TMEM117: variants seen among roughly 807,000 people sequenced by gnomAD.
The protein encoded by TMEM117 is transmembrane protein 117.
Under a neutral mutation model 52.4 loss-of-function variants are expected in TMEM117, and 27 were observed. The ratio of observed to expected loss-of-function variants is 0.51; its 90% CI spans 0.38 to 0.71. The LOEUF (loss-of-function observed/expected upper bound fraction) is 0.71. Among genes scored for constraint, TMEM117 ranks in the 30% least tolerant of loss-of-function variants. The pLI, the probability that TMEM117 is intolerant of heterozygous loss-of-function variation, is 0.00. For missense variants in TMEM117, 556 were observed against 630.5 expected, an observed-to-expected ratio of 0.88 and a Z score of 1.26; for synonymous variants, 215 against 206.3, an observed-to-expected ratio of 1.04 and a Z score of -0.36.
intron 6 of TMEM117, among the ~76,000 whole-genome samples, chr12:44,324,720 C>G (rs994810987): frequency 5.3e-5 from 8 of 152,028 alleles, no homozygotes; most frequent in African/African-American, 1.9e-4. Context: ...GTTTTGCAAA[C>G]CTGCTTTTTC....
chr12:44,247,496 G>C (rs1198137392), intron 5 of TMEM117, among the ~76,000 whole-genome samples: 1 of 152,106 alleles, frequency 6.6e-6, no homozygotes, highest in African/African-American at 2.4e-5. Flanking sequence ...ATATTTCAGT[G>C]CATTTATACA....
intron 2 of TMEM117, among the ~76,000 whole-genome samples, chr12:43,926,885 A>G (rs1207494678): frequency 6.6e-6 from 1 of 151,920 alleles, no homozygotes; most frequent in African/African-American, 2.4e-5. Flanking sequence ...TTTTGGCTTC[A>G]TTGATCCTCT....
intron 5 of TMEM117, among the ~76,000 whole-genome samples, chr12:44,240,667 G>T (rs1452206526): frequency 6.6e-6 from 1 of 151,954 alleles, no homozygotes; most frequent in Non-Finnish European, 1.5e-5. Flanking sequence ...AAATATGGGA[G>T]TATATCATAG....
At chr12:44,310,964 T>C (rs1014488135) in intron 6 of TMEM117, among the ~76,000 whole-genome samples, 5 of 152,190 alleles carry the variant, frequency 3.3e-5, no homozygotes, top group Non-Finnish European at 7.3e-5. Context: ...ATGTTTGCTA[T>C]TGCTTTGATC....
chr12:44,118,645 G>C (rs1168484307), intron 3 of TMEM117, among the ~76,000 whole-genome samples: 1 of 152,180 alleles, frequency 6.6e-6, no homozygotes, highest in East Asian at 1.9e-4. Flanking sequence ...ATTGGTGAAA[G>C]TAAGGATTTT....
chr12:43,843,078 T>A (rs750541034), intron 1 of TMEM117, among the ~76,000 whole-genome samples: 14 of 151,724 alleles, frequency 9.2e-5, no homozygotes, highest in South Asian at 2.1e-4. Context: ...TTTCAGGGGG[T>A]TGTTATGACA....
At chr12:44,359,821 G>A (rs528182804) in intron 6 of TMEM117, among the ~76,000 whole-genome samples, 2 of 152,082 alleles carry the variant, frequency 1.3e-5, no homozygotes, top group East Asian at 3.9e-4. Context: ...ATATTTACAC[G>A]TTACAAACTA....
chr12:43,985,787 A>T (rs1945838410), intron 3 of TMEM117, among the ~76,000 whole-genome samples: 1 of 152,198 alleles, frequency 6.6e-6, no homozygotes, highest in African/African-American at 2.4e-5. Context: ...TCCCAACAGG[A>T]TTTCTGCTTT....
intron 3 of TMEM117, among the ~76,000 whole-genome samples, chr12:44,060,223 T>C (rs1389855595): frequency 1.3e-5 from 2 of 152,218 alleles, no homozygotes; most frequent in Admixed American, 6.5e-5. Flanking sequence ...TGGCATTGTC[T>C]TTCTTTTCTT....
chr12:44,393,409 T>C (rs1565790651), downstream of TMEM117, among the ~76,000 whole-genome samples: 2 of 146,004 alleles, frequency 1.4e-5, no homozygotes, highest in Admixed American at 6.7e-5. Flanking sequence ...ATTTTGAATA[T>C]TTTCTATGTG....
rs542339911 is a variant in TMEM117 at position 44,233,773 on chromosome 12, A to G, written c.608+22386A>G. ...TTTTATCACATTAGTGTCTTTGTCT[A>G]TAATTCATTGATTTTGACTGCTGAA... On this transcript the variant is annotated intron_variant, in intron 5 of 7. Transcript: ENST00000266534. Among the ~76,000 whole-genome samples the G allele has an allele frequency of 9.3e-4, 141 of 151,558 alleles. 1 individual carries two copies. The highest frequency in any genetic ancestry group is 3.0e-3 in the African/African-American group (126 of 41,522).
At chr12:43,845,178 AG>A (rs1216109715) in intron 2 of TMEM117, among the ~76,000 whole-genome samples, 2 of 152,116 alleles carry the variant, frequency 1.3e-5, no homozygotes. Flanking sequence ...AAATAGCATT[AG>A]GCCAGGTGTG....
At chr12:43,825,046 T>C in the TMEM117 span, among the ~76,000 whole-genome samples, 104 of 152,360 alleles carry the variant, frequency 6.8e-4, no homozygotes, top group African/African-American at 2.5e-3. Flanking sequence ...CTGAAGACCT[T>C]GTTCGGCAAC....
chr12:44,241,082 A>G (rs1300587449), intron 5 of TMEM117, among the ~76,000 whole-genome samples: 1 of 152,052 alleles, frequency 6.6e-6, no homozygotes, highest in Non-Finnish European at 1.5e-5. Context: ...TAGTATTTGC[A>G]TATAACCCAT....
At chr12:44,281,542 T>C (rs556681961) in intron 5 of TMEM117, among the ~76,000 whole-genome samples, 1 of 152,336 alleles carries the variant, frequency 6.6e-6, no homozygotes, top group South Asian at 2.1e-4. Context: ...TAACCCAGTA[T>C]ATAAATTCAT....
intron 7 of TMEM117, among the ~76,000 whole-genome samples, chr12:44,380,642 T>C (rs1952007338): frequency 6.6e-6 from 1 of 152,182 alleles, no homozygotes. Context: ...TAATAATACT[T>C]ATCCCATAGG....
intron 7 of TMEM117, among the ~76,000 whole-genome samples, chr12:44,378,030 A>G (rs1951966566): frequency 6.6e-6 from 1 of 152,158 alleles, no homozygotes; most frequent in Non-Finnish European, 1.5e-5. Flanking sequence ...CAGAGTCCCC[A>G]CTTAATCTCT....
intron 2 of TMEM117, among the ~76,000 whole-genome samples, chr12:43,934,678 G>T (rs1944922330): frequency 6.6e-6 from 1 of 151,954 alleles, no homozygotes; most frequent in African/African-American, 2.4e-5. Flanking sequence ...TCAATATTCA[G>T]TGTTTGATAT....
At chr12:44,204,678 A>C (rs1248737289) in intron 4 of TMEM117, among the ~76,000 whole-genome samples, 1 of 152,148 alleles carries the variant, frequency 6.6e-6, no homozygotes, top group Non-Finnish European at 1.5e-5. Flanking sequence ...ACTGTAACCA[A>C]AACAGCATAT....
Sources: allele counts gnomAD v4.1 joint callset (sites outside exome capture counted in the v4.1 genomes callset), GRCh38; gene constraint gnomAD v4.1.1; transcripts MANE v1.5; gene names NCBI Gene and HGNC (gene_info 2026-07-23, HGNC 2026-07-21).